The following DNAJC5 variants were observed in gnomAD, a reference collection of about 807,000 sequenced individuals.
The protein encoded by DNAJC5 is DnaJ heat shock protein family (Hsp40) member C5.
Under a neutral mutation model 23.2 loss-of-function variants are expected in DNAJC5, and 1 was observed. That is an observed-to-expected ratio of 0.04 (90% CI 0.02 to 0.20). DNAJC5 has a LOEUF of 0.20. Ranked by LOEUF, DNAJC5 falls within the 10% of genes least tolerant of loss-of-function variation. The pLI is 1.00. For missense variants in DNAJC5, 180 were observed against 267.0 expected (o/e 0.67, Z 2.27); for synonymous variants, 136 against 120.0 (o/e 1.13, Z -0.87).
intron 1 of DNAJC5, among the ~76,000 whole-genome samples, chr20:63,925,994 A>AT (rs1382973398): frequency 6.6e-6 from 1 of 151,600 alleles, no homozygotes; most frequent in South Asian, 2.1e-4. Context: ...CTTCCGGCTA[A>AT]TTTTTTTGTA....
At position 63,920,266 on chromosome 20, in the gene DNAJC5, G is replaced by C. The variant is rs2146292721; in HGVS notation, c.-11-8069G>C. ...GCAGGGAGCAGGGCAGGGTGTTGAAGAGACGGCAGGTGCGTCAGGGGCTGA... is the reference window on the plus strand; with the variant it reads ...GCAGGGAGCAGGGCAGGGTGTTGAACAGACGGCAGGTGCGTCAGGGGCTGA... On this transcript the variant is annotated intron_variant, in intron 1 of 4. Coordinates refer to ENST00000360864, the MANE Select transcript of DNAJC5 (RefSeq NM_025219.3). The surrounding 1 kb of genome is among the most constrained non-coding windows in gnomAD (Gnocchi z 4.6). 6.6e-6 allele frequency among the ~76,000 whole-genome samples: 1 copy of C among 152,386 alleles called. No homozygotes were observed. Among genetic ancestry groups the C allele is most frequent in the African/African-American group, 2.4e-5 (1 of 41,594 alleles).
In DNAJC5 at chr20:63,920,148, C is replaced by T. The variant is rs556898949; in HGVS notation, c.-11-8187C>T. 8.7e-4 allele frequency among the ~76,000 whole-genome samples: 132 copies of T among 151,566 alleles called. No individual in the cohort carries two copies. The highest frequency in any genetic ancestry group is 2.9e-3 in the African/African-American group (119 of 41,226). On this transcript the variant is annotated intron_variant, in intron 1 of 4. Coordinates refer to ENST00000360864, the MANE Select transcript of DNAJC5 (RefSeq NM_025219.3). The surrounding 1 kb of genome is among the most constrained non-coding windows in gnomAD (Gnocchi z 4.6). ...CCACGGAAGAGGACGCACAGGACAG[C>T]GCCACGGAAGAGGACGCACCCGGCT...
chr20:63,922,122 G>A (rs1216464735), intron 1 of DNAJC5, among the ~76,000 whole-genome samples: 2 of 151,950 alleles, frequency 1.3e-5, no homozygotes, highest in Non-Finnish European at 2.9e-5. Flanking sequence ...AAGTTGTGAG[G>A]TGCTACTTCA....
chr20:63,930,440 C>G lies in DNAJC5; in HGVS notation c.322-411C>G, dbSNP rs1361210517. Among the ~76,000 whole-genome samples, 3 of 152,180 alleles carry G rather than the reference C, an allele frequency of 2.0e-5. No homozygotes were observed. In the East Asian group the frequency reaches 5.8e-4, roughly 29 times the overall value. Reference sequence around the variant, plus strand: ...TTGGCTCACTGCAAGCTCCACCTCCCGGGTTCACGCCATTCTCCTGCCTCT... The same window carrying G: ...TTGGCTCACTGCAAGCTCCACCTCCGGGGTTCACGCCATTCTCCTGCCTCT... On this transcript the variant is annotated intron_variant, in intron 3 of 4. Coordinates refer to ENST00000360864, the MANE Select transcript of DNAJC5 (RefSeq NM_025219.3).
chr20:63,922,875 C>T (rs2053583626), intron 1 of DNAJC5, among the ~76,000 whole-genome samples: 1 of 152,200 alleles, frequency 6.6e-6, no homozygotes, highest in Admixed American at 6.5e-5. Context: ...CATGGTGGCT[C>T]ATGCCTGTAA....
At chr20:63,911,067 C>T (rs968204236) in intron 1 of DNAJC5, among the ~76,000 whole-genome samples, 11 of 152,080 alleles carry the variant, frequency 7.2e-5, no homozygotes, top group African/African-American at 7.2e-5. Context: ...CATCAGTTTA[C>T]AAGAAAAAAA....
intron 1 of DNAJC5, among the ~76,000 whole-genome samples, chr20:63,905,344 G>C (rs879539560): frequency 1.3e-5 from 2 of 151,984 alleles, no homozygotes; most frequent in Non-Finnish European, 2.9e-5. Context: ...TCGACCTCCT[G>C]ACCTCAAGTG....
intron 1 of DNAJC5, among the ~76,000 whole-genome samples, chr20:63,913,771 G>C (rs946539317): frequency 1.3e-5 from 2 of 152,058 alleles, no homozygotes; most frequent in African/African-American, 4.8e-5. Flanking sequence ...GTACAGATAG[G>C]GTTTCACCAT....
intron 1 of DNAJC5, among the ~76,000 whole-genome samples, chr20:63,905,157 C>G (rs2053439607): frequency 6.6e-6 from 1 of 150,964 alleles, no homozygotes; most frequent in Non-Finnish European, 1.5e-5. Context: ...CTCTTGTCGC[C>G]CAGGCTGGAG....
Position 63,931,647 on chromosome 20 carries a change from G to A in DNAJC5, c.*79G>A. 2 of 1,417,148 alleles carry A rather than the reference G, an allele frequency of 1.4e-6. No homozygotes were observed. Among genetic ancestry groups the A allele is most frequent in the South Asian group, 2.5e-5 (2 of 81,608 alleles). The allele number at this position is 1,417,148 out of a possible 1,614,324, so 87.8% of individuals were successfully genotyped here. Reference sequence around the variant, plus strand: ...TAGAATCATGAACTGTAGTCACAGAGATGGGAAGGCAGCCTCCTGCCTGCC... The same window carrying A: ...TAGAATCATGAACTGTAGTCACAGAAATGGGAAGGCAGCCTCCTGCCTGCC... On this transcript the variant is annotated 3_prime_UTR_variant, in exon 5 of 5. Transcript: ENST00000360864. This position sits in a 1 kb window ranked among gnomAD's most constrained non-coding sequence, Gnocchi z 9.6.
chr20:63,918,934 A>G (rs901695492), intron 1 of DNAJC5, among the ~76,000 whole-genome samples: 25 of 152,232 alleles, frequency 1.6e-4, no homozygotes, highest in Admixed American at 1.6e-3. Context: ...CACATAATAC[A>G]TAGTAAAATA....
intron 1 of DNAJC5, among the ~76,000 whole-genome samples, chr20:63,926,741 T>G (rs1243248796): frequency 2.0e-5 from 3 of 152,120 alleles, no homozygotes; most frequent in Non-Finnish European, 4.4e-5. Flanking sequence ...GGGACCCCCG[T>G]GGACTGGGAC....
rs2053564023 is a variant in DNAJC5 at position 63,920,733 on chromosome 20, AGT to A, written c.-11-7600_-11-7599del. Among the ~76,000 whole-genome samples, 1 of 152,172 alleles carries A rather than the reference AGT, an allele frequency of 6.6e-6. No individual in the cohort carries two copies. Among genetic ancestry groups the A allele is most frequent in the Admixed American group, 6.5e-5 (1 of 15,274 alleles). On this transcript the variant is annotated intron_variant, in intron 1 of 4. Transcript: ENST00000360864. The surrounding 1 kb of genome is among the most constrained non-coding windows in gnomAD (Gnocchi z 4.6). ...GACTCTGTCACCCAGGCTGGAGTGC[AGT>A]GGTGAGATCTCGGCTCACTGCAACC...
rs952136530 is a variant in DNAJC5, at chr20:63,928,053, G to T, written c.-11-282G>T. Among the ~76,000 whole-genome samples the T allele has an allele frequency of 4.6e-5, 7 of 152,162 alleles. No homozygotes were observed. Among genetic ancestry groups the T allele is most frequent in the Non-Finnish European group, 1.0e-4 (7 of 68,016 alleles). On this transcript the variant is annotated intron_variant, in intron 1 of 4. Transcript: ENST00000360864. The surrounding 1 kb of genome is among the most constrained non-coding windows in gnomAD (Gnocchi z 4.6). ...CAGCCTCAAACTCCTGGGCTCAAGC[G>T]GTCCTCCCGCCTCAGCCTCCCAAAA... is the stretch of plus-strand genomic sequence containing the variant.
rs1042725987 is a variant in DNAJC5 at position 63,920,408 on chromosome 20, C to T, written c.-11-7927C>T. On this transcript the variant is annotated intron_variant, in intron 1 of 4. Transcript: ENST00000360864. The surrounding 1 kb of genome is among the most constrained non-coding windows in gnomAD (Gnocchi z 4.6). ...GGCTGGCGTCAGCAGGGCTCTCGTC[C>T]GCCAACGTCTGGTGGGGATGCCCGC... Among the ~76,000 whole-genome samples the T allele has an allele frequency of 3.4e-5, 5 of 149,232 alleles. No homozygotes were observed. The highest frequency in any genetic ancestry group is 5.9e-5 in the Non-Finnish European group (4 of 67,812).
At position 63,933,500 on chromosome 20, in the gene DNAJC5, G is replaced by T. The variant is rs2053691950; in HGVS notation, c.*1932G>T. The stretch of plus-strand genomic sequence containing the variant: ...CACGAAGACCTTTGACAAGAGGAGA[G>T]ATATGCACTGTGATATTAAATTAGA... On this transcript the variant is annotated 3_prime_UTR_variant, in exon 5 of 5. Transcript: ENST00000360864. 6.6e-6 allele frequency: 1 copy of T among 152,294 alleles called. No individual in the cohort carries two copies. The highest frequency in any genetic ancestry group is 1.5e-5 in the Non-Finnish European group (1 of 68,046). 9.4% of individuals were successfully genotyped at this position (152,294 alleles called of 1,614,324 possible). A position where few individuals can be genotyped will look rare whatever the true frequency, so the allele number is the denominator to read the frequency against.
rs745650916 is a variant in DNAJC5, at chr20:63,935,126, C to G, written c.*3558C>G. The G allele has an allele frequency of 6.6e-6, 1 of 152,334 alleles. No individual in the cohort carries two copies. Among genetic ancestry groups the G allele is most frequent in the Non-Finnish European group, 1.5e-5 (1 of 68,104 alleles). The allele number at this position is 152,334 out of a possible 1,614,324, so 9.4% of individuals were successfully genotyped here. A position where few individuals can be genotyped will look rare whatever the true frequency, so the allele number is the denominator to read the frequency against. ...GGAATTGGCAAAAGCTACATTTTTA[C>G]TGTCCTTACCAGCAACAGTTTGCGT... is the stretch of plus-strand genomic sequence containing the variant. On this transcript the variant is annotated 3_prime_UTR_variant, in exon 5 of 5. Coordinates refer to ENST00000360864, the MANE Select transcript of DNAJC5 (RefSeq NM_025219.3).
At chr20:63,909,359 C>T (rs1302361392) in intron 1 of DNAJC5, among the ~76,000 whole-genome samples, 7 of 152,002 alleles carry the variant, frequency 4.6e-5, no homozygotes, top group African/African-American at 9.7e-5. Context: ...AAAAATTAGC[C>T]GGGCGTGGTG....
intron 1 of DNAJC5, among the ~76,000 whole-genome samples, chr20:63,915,634 G>T (rs754891293): frequency 2.6e-4 from 40 of 152,192 alleles, no homozygotes; most frequent in African/African-American, 9.6e-4. Flanking sequence ...GAGCCTGGCC[G>T]TACCAGTCAT....
Sources: allele counts gnomAD v4.1 joint callset (sites outside exome capture counted in the v4.1 genomes callset), GRCh38; gene constraint gnomAD v4.1.1; non-coding constraint Gnocchi (gnomAD v3.1); transcripts MANE v1.5; gene names NCBI Gene and HGNC (gene_info 2026-07-23, HGNC 2026-07-21).